The following ZFAND4 variants were observed in gnomAD, a reference collection of about 807,000 sequenced individuals.
The protein encoded by ZFAND4 is AN1-type zinc finger protein 4.
A neutral mutation model predicts 64.4 loss-of-function variants in ZFAND4; 43 were observed. The observed-to-expected ratio is 0.67, with a 90% CI of 0.52 to 0.86. The LOEUF (loss-of-function observed/expected upper bound fraction) is 0.86, where lower values mean the gene tolerates loss of function less well. ZFAND4 is among the 40% of genes least tolerant of loss of function. The pLI, the probability that ZFAND4 is intolerant of heterozygous loss-of-function variation, is 0.00. For synonymous variants in ZFAND4, 296 were observed against 305.7 expected (o/e 0.97, Z 0.33); for missense variants, 929 against 859.8 (o/e 1.08, Z -1.01).
chr10:45,665,377 CA>C (rs1404281929), intron 1 of ZFAND4, among the ~76,000 whole-genome samples: 2 of 151,752 alleles, frequency 1.3e-5, no homozygotes, highest in African/African-American at 2.4e-5. Context: ...CCATCTCTAC[CA>C]AAAAATACAA....
At chr10:45,618,034 T>C (rs1281472208) in intron 9 of ZFAND4, 106 bp downstream of exon 9, 41 of 1,210,572 alleles carry the variant, frequency 3.4e-5, no homozygotes, top group Non-Finnish European at 4.2e-5. Flanking sequence ...TTGAACATCA[T>C]CTTAATGATG....
At chr10:45,664,525 C>T (rs2133861146) in intron 1 of ZFAND4, among the ~76,000 whole-genome samples, 1 of 151,968 alleles carries the variant, frequency 6.6e-6, no homozygotes, top group Admixed American at 6.5e-5. Context: ...CCTCGGCCTC[C>T]CAAAGTGCTG....
chr10:45,662,927 T>C (rs1214564151), intron 2 of ZFAND4, among the ~76,000 whole-genome samples: 1 of 152,138 alleles, frequency 6.6e-6, no homozygotes, highest in African/African-American at 2.4e-5. Flanking sequence ...ATGGCAAACA[T>C]TACTTATTGC....
Position 45,627,053 on chromosome 10 carries a change from G to A in ZFAND4, c.770C>T (p.Ser257Phe). 9.4e-6 allele frequency: 15 copies of A among 1,588,514 alleles called. No homozygotes were observed. The highest frequency in any genetic ancestry group is 2.2e-5 in the East Asian group (1 of 44,682). Residue 257 changes from serine to phenylalanine, a missense_variant, in exon 7 of 10, where the codon TCT becomes TTT. Ser to Phe is a radical substitution (Grantham distance 155). Transcript: ENST00000344646. Reference protein sequence around the residue: ...KPHPPVAPRPSSGSTAPSRHR... With the variant: ...KPHPPVAPRPFSGSTAPSRHR... ...GCGAGATGGTGCAGTGGAACCACTA[G>A]AAGGTCGAGGAGCTACAGGTGGGTG...
chr10:45,650,018 T>C (rs757952872), intron 4 of ZFAND4: 1 of 152,270 alleles, frequency 6.6e-6, no homozygotes, highest in Non-Finnish European at 1.5e-5. Flanking sequence ...AAGTTTGATA[T>C]GCATTGGGCA....
chr10:45,661,004 A>G (rs1359617135), intron 2 of ZFAND4, among the ~76,000 whole-genome samples: 1 of 152,198 alleles, frequency 6.6e-6, no homozygotes, highest in Non-Finnish European at 1.5e-5. Context: ...ATTGCAAGAA[A>G]TGTTAAAAGA....
At chr10:45,642,760 C>T (rs77819548) in intron 5 of ZFAND4, among the ~76,000 whole-genome samples, 9,058 of 151,214 alleles carry the variant, frequency 0.06, 394 homozygotes, top group African/African-American at 0.12. Flanking sequence ...AGAATCCAAT[C>T]ACAAATTTTT....
At chr10:45,643,409 G>A (rs1199839085) in intron 5 of ZFAND4, among the ~76,000 whole-genome samples, 1 of 150,522 alleles carries the variant, frequency 6.6e-6, no homozygotes, top group African/African-American at 2.4e-5. Flanking sequence ...AGTGGCTCAT[G>A]CCTGTAATCC....
At chr10:45,647,022 G>A (rs1403981851) in intron 5 of ZFAND4, among the ~76,000 whole-genome samples, 6 of 152,172 alleles carry the variant, frequency 3.9e-5, no homozygotes, top group African/African-American at 7.2e-5. Flanking sequence ...AGAAGCCTAG[G>A]GGAATCTCTC....
intron 1 of ZFAND4, among the ~76,000 whole-genome samples, chr10:45,666,419 GT>G (rs1161331515): frequency 1.4e-4 from 21 of 151,940 alleles, no homozygotes; most frequent in African/African-American, 4.8e-4. Context: ...AGTTGTATGA[GT>G]TTTTATATTA....
chr10:45,637,905 T>C (rs2046722568), intron 6 of ZFAND4, among the ~76,000 whole-genome samples: 1 of 152,126 alleles, frequency 6.6e-6, no homozygotes, highest in Non-Finnish European at 1.5e-5. Context: ...CTTGTACCCA[T>C]AGTATATAAA....
At chr10:45,649,156 C>CA (rs1184760537) in intron 4 of ZFAND4, 242 of 92,212 alleles carry the variant, frequency 2.6e-3, no homozygotes, top group East Asian at 9.8e-3. Context: ...TGTAGTCCCT[C>CA]AAAAAAAAAA....
At position 45,626,223 on chromosome 10, in the gene ZFAND4, GTGAATCAAC is replaced by G; in HGVS notation, c.1591_1599del (p.Val531_Ser533del). 1 of 1,614,158 alleles carries G rather than the reference GTGAATCAAC, an allele frequency of 6.2e-7. No homozygotes were observed. The highest frequency in any genetic ancestry group is 8.5e-7 in the Non-Finnish European group (1 of 1,180,028). On this transcript the variant is annotated inframe_deletion, in exon 7 of 10. Coordinates refer to ENST00000344646, the MANE Select transcript of ZFAND4 (RefSeq NM_174890.4). ...GAAATAACATCAGATCTTTTCCCAA[GTGAATCAAC>G]TTTAACACCTTGAAAGCAAGTAGTC...
chr10:45,627,369 GAA>G (rs1181736338), intron 6 of ZFAND4, among the ~76,000 whole-genome samples: 3 of 151,620 alleles, frequency 2.0e-5, no homozygotes, highest in Non-Finnish European at 4.4e-5. Context: ...TTACTACAAA[GAA>G]AATGAACTGA....
intron 2 of ZFAND4, among the ~76,000 whole-genome samples, chr10:45,655,002 A>C (rs889964159): frequency 2.0e-5 from 3 of 152,194 alleles, no homozygotes; most frequent in African/African-American, 7.2e-5. Context: ...GAACAAATGG[A>C]CCTAACAGAT....
At chr10:45,640,475 C>A in intron 5 of ZFAND4, 2 of 1,153,458 alleles carry the variant, frequency 1.7e-6, no homozygotes, top group East Asian at 7.8e-5. Flanking sequence ...AGAACATTTT[C>A]TATTCTTAAG....
At chr10:45,621,839 TA>T (rs925418464) in intron 8 of ZFAND4, among the ~76,000 whole-genome samples, 1 of 151,884 alleles carries the variant, frequency 6.6e-6, no homozygotes, top group African/African-American at 2.4e-5. Context: ...GAATTTTTTT[TA>T]AAAAAAACTA....
chr10:45,623,269 A>G (rs1368493850), intron 8 of ZFAND4, among the ~76,000 whole-genome samples: 2 of 152,228 alleles, frequency 1.3e-5, no homozygotes, highest in Non-Finnish European at 2.9e-5. Context: ...ATTTCTGGGT[A>G]TATATTCTAA....
Position 45,672,399 on chromosome 10 carries a change from CGTTGAAGCTG to C in ZFAND4, c.-277_-268del, listed in dbSNP as rs2049259137. On this transcript the variant is annotated 5_prime_UTR_variant, in exon 1 of 10. Transcript: ENST00000344646. ...GCACCCGTCGGGAAAGCCGCGTACC[CGTTGAAGCTG>C]GCGTCACGCCCAAAGGAACAAACGC... 6.6e-6 allele frequency: 1 copy of C among 152,218 alleles called. No homozygotes were observed. Among genetic ancestry groups the C allele is most frequent in the Non-Finnish European group, 1.5e-5 (1 of 68,062 alleles). 9.4% of individuals were successfully genotyped at this position (152,218 alleles called of 1,614,324 possible).
Sources: gnomAD v4.1 joint callset for allele counts (sites outside exome capture counted in the v4.1 genomes callset) on GRCh38, gnomAD v4.1.1 for gene constraint, MANE v1.5 for transcripts, NCBI Gene and HGNC (gene_info 2026-07-23, HGNC 2026-07-21) for gene names.